IAPP: variants seen among roughly 807,000 people sequenced by gnomAD.
The protein encoded by IAPP is islet amyloid polypeptide.
In IAPP, 4 loss-of-function variants were observed where a neutral mutation model predicts 2.9. The ratio of observed to expected loss-of-function variants is 1.39; its 90% CI spans 0.69 to 3.19. The LOEUF (loss-of-function observed/expected upper bound fraction) is 3.19, where lower values mean the gene tolerates loss of function less well. Ranked by LOEUF, IAPP falls within the 30% of genes most tolerant of loss-of-function variation. The pLI is 0.01. For synonymous variants in IAPP, 40 were observed against 42.1 expected (o/e 0.95, Z 0.19); for missense variants, 114 against 105.3 (o/e 1.08, Z -0.36).
At chr12:21,373,250 C>A in intron 1 of IAPP, 87 bp from the exon 2 acceptor site, 1 of 850,976 alleles carries the variant, frequency 1.2e-6, no homozygotes, top group Non-Finnish European at 2.0e-6. Flanking sequence ...AAAGATGTTT[C>A]TTTTAAAAAC....
upstream of IAPP, among the ~76,000 whole-genome samples, chr12:21,369,360 T>G (rs1321109314): frequency 6.6e-6 from 1 of 152,196 alleles, no homozygotes; most frequent in Non-Finnish European, 1.5e-5. Flanking sequence ...ATGATCTCAC[T>G]GACATCGTCT....
At chr12:21,360,593 C>T (rs1938765403) in intron 1 of IAPP, among the ~76,000 whole-genome samples, 1 of 152,222 alleles carries the variant, frequency 6.6e-6, no homozygotes, top group South Asian at 2.1e-4. Context: ...CAGGGCATTG[C>T]CTCACCCAGG....
At chr12:21,371,490 T>C (rs1939785182), upstream of IAPP, among the ~76,000 whole-genome samples, 4 of 152,178 alleles carry the variant, frequency 2.6e-5, no homozygotes, top group Admixed American at 2.6e-4. Flanking sequence ...TCTAAACAAG[T>C]TTCTTTCCTC....
chr12:21,368,767 A>G (rs574906903), upstream of IAPP, among the ~76,000 whole-genome samples: 1 of 152,242 alleles, frequency 6.6e-6, no homozygotes, highest in South Asian at 2.1e-4. Context: ...CCCAAAAGAA[A>G]CACTTTAAAA....
At chr12:21,358,438 C>T (rs1033522737) in intron 1 of IAPP, among the ~76,000 whole-genome samples, 6 of 152,110 alleles carry the variant, frequency 3.9e-5, no homozygotes, top group Admixed American at 1.3e-4. Flanking sequence ...AATCCACTAA[C>T]GAGATGGTTT....
chr12:21,359,259 A>G (rs979221817), intron 1 of IAPP, among the ~76,000 whole-genome samples: 1 of 152,220 alleles, frequency 6.6e-6, no homozygotes, highest in African/African-American at 2.4e-5. Context: ...TGGATAAATT[A>G]AACTTGATAG....
chr12:21,372,709 G>A (rs1290778880), upstream of IAPP, among the ~76,000 whole-genome samples: 1 of 152,158 alleles, frequency 6.6e-6, no homozygotes, highest in Non-Finnish European at 1.5e-5. Context: ...AACTGCACAA[G>A]GACACTGTGT....
At chr12:21,362,925 G>T (rs578016107) in intron 1 of IAPP, among the ~76,000 whole-genome samples, 31 of 152,270 alleles carry the variant, frequency 2.0e-4, no homozygotes, top group African/African-American at 6.7e-4. Context: ...AAGAGACTTA[G>T]ACTCCCACAC....
Position 21,364,768 on chromosome 12 carries a change from G to A in IAPP, c.-15-8569G>A, listed in dbSNP as rs185172690. ...TACACCAATAACAGACAAACGGAGA[G>A]ACAAATCATGAGTGAACTCCATTCA... On this transcript the variant is annotated intron_variant, in intron 1 of 2. Coordinates refer to the IAPP transcript ENST00000539393. Among the ~76,000 whole-genome samples the A allele has an allele frequency of 2.7e-4, 41 of 152,236 alleles. No homozygotes were observed. In the East Asian group the frequency reaches 7.2e-3, roughly 27 times the overall value.
At chr12:21,369,186 T>C (rs1298636025), upstream of IAPP, among the ~76,000 whole-genome samples, 1 of 152,200 alleles carries the variant, frequency 6.6e-6, no homozygotes, top group Admixed American at 6.5e-5. Flanking sequence ...AGGAAGAAGA[T>C]TAATACATAT....
intron 1 of IAPP, among the ~76,000 whole-genome samples, chr12:21,367,432 A>C (rs1299752423): frequency 6.6e-6 from 1 of 152,164 alleles, no homozygotes; most frequent in Non-Finnish European, 1.5e-5. Context: ...GTTTGGAGAA[A>C]AGCAGAAGGT....
chr12:21,373,533 A>G (rs986409621), intron 2 of IAPP, 102 bp downstream of exon 2: 5 of 822,330 alleles, frequency 6.1e-6, no homozygotes, highest in African/African-American at 5.0e-5. Context: ...TTCTGACTAT[A>G]TCATACTTAA....
upstream of IAPP, among the ~76,000 whole-genome samples, chr12:21,368,817 T>C (rs1231281591): frequency 6.6e-6 from 1 of 152,114 alleles, no homozygotes; most frequent in African/African-American, 2.4e-5. Flanking sequence ...ATTGATATAA[T>C]TCAAAAAATT....
intron 1 of IAPP, among the ~76,000 whole-genome samples, chr12:21,365,579 T>A (rs374916907): frequency 1.3e-5 from 2 of 152,104 alleles, no homozygotes; most frequent in South Asian, 4.2e-4. Context: ...CTTCTGCACA[T>A]CAAAAGAAAC....
chr12:21,375,198 G>T (rs1388529602), intron 2 of IAPP, among the ~76,000 whole-genome samples: 1 of 152,074 alleles, frequency 6.6e-6, no homozygotes, highest in Non-Finnish European at 1.5e-5. Flanking sequence ...AATATTACTT[G>T]TTATAAAATT....
upstream of IAPP, among the ~76,000 whole-genome samples, chr12:21,368,540 A>T (rs1939557454): frequency 6.6e-6 from 1 of 152,088 alleles, no homozygotes. Flanking sequence ...ATTCCCATAA[A>T]TTGTATGTTT....
At chr12:21,370,736 C>T (rs1262618428), upstream of IAPP, among the ~76,000 whole-genome samples, 1 of 152,044 alleles carries the variant, frequency 6.6e-6, no homozygotes, top group Non-Finnish European at 1.5e-5. Context: ...TCTAAATGAA[C>T]ACTAGACCAT....
chr12:21,361,621 T>A (rs1178834653), intron 1 of IAPP, among the ~76,000 whole-genome samples: 2 of 152,032 alleles, frequency 1.3e-5, no homozygotes, highest in Admixed American at 1.3e-4. Context: ...TTTGAACCTA[T>A]CACAAAGAAG....
upstream of IAPP, among the ~76,000 whole-genome samples, chr12:21,369,783 G>T (rs931534374): frequency 5.9e-5 from 9 of 152,184 alleles, no homozygotes; most frequent in Admixed American, 4.6e-4. Context: ...TTCACACTTT[G>T]ACTTAGCAAG....
Sources: allele counts gnomAD v4.1 joint callset (sites outside exome capture counted in the v4.1 genomes callset), GRCh38; gene constraint gnomAD v4.1.1; transcripts MANE v1.5; gene names NCBI Gene and HGNC (gene_info 2026-07-23, HGNC 2026-07-21).